Variants in ATP6V0D1 observed in about 807,000 individuals in gnomAD.
The protein encoded by ATP6V0D1 is V-type proton ATPase subunit d 1.
Under a neutral mutation model 39.0 loss-of-function variants are expected in ATP6V0D1, and 13 were observed. The ratio of observed to expected loss-of-function variants is 0.33; its 90% CI spans 0.22 to 0.53. The LOEUF is 0.53. Among genes scored for constraint, ATP6V0D1 ranks in the 20% least tolerant of loss-of-function variants. The pLI, the probability that ATP6V0D1 is intolerant of heterozygous loss-of-function variation, is 0.94. For synonymous variants in ATP6V0D1, 191 were observed against 191.2 expected, an observed-to-expected ratio of 1.00 and a Z score of 0.01; for missense variants, 272 against 470.9, an observed-to-expected ratio of 0.58 and a Z score of 3.91.
Position 67,480,814 on chromosome 16 carries a change from C to T in ATP6V0D1, c.130+143G>A, listed in dbSNP as rs1487477767. ...CCACAGCTAGAGGTAGATCCCGCTCCTGCGCGTCCGCTATCAGCCCCAGGA... is the reference window on the plus strand; with the variant it reads ...CCACAGCTAGAGGTAGATCCCGCTCTTGCGCGTCCGCTATCAGCCCCAGGA... On this transcript the variant is annotated intron_variant, in intron 1 of 7. Coordinates refer to ENST00000290949, the MANE Select transcript of ATP6V0D1 (RefSeq NM_004691.5). 3.2e-6 allele frequency: 4 copies of T among 1,254,276 alleles called. No individual in the cohort carries two copies. The African/African-American group carries it at 4.5e-5, about 14-fold the overall frequency. The allele number at this position is 1,254,276 out of a possible 1,614,324, so 77.7% of individuals were successfully genotyped here. A position where few individuals can be genotyped will look rare whatever the true frequency, so the allele number is the denominator to read the frequency against.
chr16:67,454,260 G>C (rs2041213766), intron 1 of ATP6V0D1, among the ~76,000 whole-genome samples: 1 of 152,226 alleles, frequency 6.6e-6, no homozygotes, highest in Non-Finnish European at 1.5e-5. Context: ...GCAGGGGCAA[G>C]AAAGTACAAA....
At chr16:67,457,500 G>C in intron 1 of ATP6V0D1, 1 of 1,139,078 alleles carries the variant, frequency 8.8e-7, no homozygotes, top group Non-Finnish European at 1.2e-6. Context: ...TGGCAGAGGG[G>C]TGGGAGAAGC....
chr16:67,463,900 T>A (rs2041308984), intron 1 of ATP6V0D1, among the ~76,000 whole-genome samples: 1 of 152,210 alleles, frequency 6.6e-6, no homozygotes, highest in African/African-American at 2.4e-5. Flanking sequence ...GGTCACCTGC[T>A]TGACCACACA....
At chr16:67,473,598 A>C (rs1181903222) in intron 1 of ATP6V0D1, among the ~76,000 whole-genome samples, 1 of 152,180 alleles carries the variant, frequency 6.6e-6, no homozygotes, top group Non-Finnish European at 1.5e-5. Context: ...ATCTCGGCTC[A>C]CTGCAAGCTC....
At chr16:67,468,280 A>C (rs1430951691) in intron 1 of ATP6V0D1, among the ~76,000 whole-genome samples, 5 of 152,136 alleles carry the variant, frequency 3.3e-5, no homozygotes, top group Non-Finnish European at 5.9e-5. Flanking sequence ...CGACAGAGTG[A>C]GACCCTGTCT....
chr16:67,450,067 C>A (rs746862142), intron 2 of ATP6V0D1, among the ~76,000 whole-genome samples: 33 of 152,320 alleles, frequency 2.2e-4, no homozygotes, highest in Middle Eastern at 6.8e-3. Flanking sequence ...TGTCTGTGGG[C>A]AGTCAGGGCA....
intron 1 of ATP6V0D1, chr16:67,457,239 T>C: frequency 3.8e-6 from 1 of 261,178 alleles, no homozygotes. Flanking sequence ...ACCATGCCCA[T>C]CTCAGCCTCA....
chr16:67,473,355 CTT>C (rs555687265), intron 1 of ATP6V0D1, among the ~76,000 whole-genome samples: 1 of 145,578 alleles, frequency 6.9e-6, no homozygotes, highest in Non-Finnish European at 1.5e-5. Context: ...AGTTTTAGGA[CTT>C]TTTTTTTTTT....
At chr16:67,473,966 G>A (rs780313064) in intron 1 of ATP6V0D1, among the ~76,000 whole-genome samples, 9 of 152,106 alleles carry the variant, frequency 5.9e-5, no homozygotes, top group Admixed American at 4.6e-4. Flanking sequence ...GTTTTAGGAC[G>A]TTTTTATCAC....
At position 67,438,100 on chromosome 16, in the gene ATP6V0D1, C is replaced by T. The variant is rs2040996237; in HGVS notation, c.*428G>A. 5.1e-6 allele frequency: 1 copy of T among 195,068 alleles called. No individual in the cohort carries two copies. The highest frequency in any genetic ancestry group is 1.1e-5 in the Non-Finnish European group (1 of 93,792). The allele number at this position is 195,068 out of a possible 1,614,324, so 12.1% of individuals were successfully genotyped here. A position where few individuals can be genotyped will look rare whatever the true frequency, so the allele number is the denominator to read the frequency against. ...CTGAGGAGCAACATCCCCCCAGGCC[C>T]CAAGGACACACACACTCTGTCCTTC... On this transcript the variant is annotated 3_prime_UTR_variant, in exon 8 of 8. Transcript: ENST00000290949.
chr16:67,463,739 G>T (rs2041307576), intron 1 of ATP6V0D1, among the ~76,000 whole-genome samples: 1 of 152,256 alleles, frequency 6.6e-6, no homozygotes, highest in South Asian at 2.1e-4. Flanking sequence ...AGCTGGTCCA[G>T]TACAGCACCC....
Position 67,453,940 on chromosome 16 carries a change from A to G in ATP6V0D1, c.131-225T>C, listed in dbSNP as rs896559066. Reference sequence around the variant, plus strand: ...GCCACAATCCAGCACATGGAGCCCCAAAGTTCGAGCATAAGAGGAACAGTT... The same window carrying G: ...GCCACAATCCAGCACATGGAGCCCCGAAGTTCGAGCATAAGAGGAACAGTT... On this transcript the variant is annotated intron_variant, in intron 1 of 7. Transcript: ENST00000290949. This position sits in a 1 kb window ranked among gnomAD's most constrained non-coding sequence, Gnocchi z 4.1. Among the ~76,000 whole-genome samples, 11 of 152,194 alleles carry G rather than the reference A, an allele frequency of 7.2e-5. No individual in the cohort carries two copies. Among genetic ancestry groups the G allele is most frequent in the Non-Finnish European group, 1.3e-4 (9 of 68,034 alleles).
intron 3 of ATP6V0D1, 25 bp from the exon 4 acceptor site, chr16:67,443,203 G>A: frequency 3.1e-6 from 5 of 1,611,914 alleles, no homozygotes; most frequent in Admixed American, 1.7e-5. Context: ...TGGTTTGAGG[G>A]GTGGGCAGGT....
chr16:67,445,882 C>T (rs1246653786), intron 2 of ATP6V0D1: 4 of 454,984 alleles, frequency 8.8e-6, no homozygotes, highest in Non-Finnish European at 1.8e-5. Context: ...AACTATCCTC[C>T]AGTCTGTCAC....
chr16:67,442,962 T>A, intron 4 of ATP6V0D1, 137 bp downstream of exon 4: 1 of 885,166 alleles, frequency 1.1e-6, no homozygotes, highest in Non-Finnish European at 1.8e-6. Flanking sequence ...AGCCAGAGAA[T>A]AAGCAGTAAG....
In ATP6V0D1 at chr16:67,453,499, T is replaced by C. The variant is rs1363574189; in HGVS notation, c.302+45A>G. The C allele has an allele frequency of 1.0e-5, 16 of 1,601,580 alleles. No homozygotes were observed. Among genetic ancestry groups the C allele is most frequent in the Admixed American group, 1.7e-5 (1 of 59,614 alleles). On this transcript the variant is annotated intron_variant, in intron 2 of 7. Coordinates refer to ENST00000290949, the MANE Select transcript of ATP6V0D1 (RefSeq NM_004691.5). The surrounding 1 kb of genome is among the most constrained non-coding windows in gnomAD (Gnocchi z 4.1). ...TGAACCCAGCTCCTGCAGGTGTAGC[T>C]ATCCTGCCCAGGTAAGAGAAGAAGG...
In ATP6V0D1 at chr16:67,449,260, T is replaced by C. The variant is rs536843152; in HGVS notation, c.302+4284A>G. 3.9e-5 allele frequency among the ~76,000 whole-genome samples: 6 copies of C among 152,292 alleles called. No homozygotes were observed. The South Asian group carries it at 1.0e-3, about 26-fold the overall frequency. ...TGGGCTAGGCCCCCTCCAGGGAGGC[T>C]CACTCATTCAAAGACAAAGGCCTTT... On this transcript the variant is annotated intron_variant, in intron 2 of 7. Transcript: ENST00000290949.
intron 1 of ATP6V0D1, among the ~76,000 whole-genome samples, chr16:67,470,693 G>A (rs2041365790): frequency 2.0e-5 from 3 of 152,156 alleles, no homozygotes; most frequent in Admixed American, 6.6e-5. Context: ...ACTGCCTGCC[G>A]GACTCCCTCA....
chr16:67,458,356 G>A (rs1211456004), intron 1 of ATP6V0D1, among the ~76,000 whole-genome samples: 1 of 152,194 alleles, frequency 6.6e-6, no homozygotes, highest in Admixed American at 6.5e-5. Context: ...TGAGAGCTTT[G>A]TGGGAGACCT....
Sources: gnomAD v4.1 joint callset for allele counts (sites outside exome capture counted in the v4.1 genomes callset) on GRCh38, gnomAD v4.1.1 for gene constraint, Gnocchi (gnomAD v3.1) non-coding constraint, MANE v1.5 for transcripts, NCBI Gene and HGNC (gene_info 2026-07-23, HGNC 2026-07-21) for gene names.